TAF2: variants seen among roughly 807,000 people sequenced by gnomAD.
TAF2 encodes the protein TATA-box binding protein associated factor 2.
In TAF2, 61 loss-of-function variants were observed where a neutral mutation model predicts 138.5. The ratio of observed to expected loss-of-function variants is 0.44; its 90% confidence interval spans 0.36 to 0.54. The LOEUF is 0.54. Among genes scored for constraint, TAF2 ranks in the 20% least tolerant of loss-of-function variants. TAF2 has a pLI of 0.00. For missense variants in TAF2, 1,090 were observed against 1,427.9 expected, an observed-to-expected ratio of 0.76 and a Z score of 3.81; for synonymous variants, 475 against 469.9, an observed-to-expected ratio of 1.01 and a Z score of -0.14.
chr8:119,817,318 C>T (rs1398916573), intron 3 of TAF2, among the ~76,000 whole-genome samples: 1 of 152,148 alleles, frequency 6.6e-6, no homozygotes, highest in African/African-American at 2.4e-5. Flanking sequence ...TGAGCTTTGC[C>T]TCCTGTCAGA....
In TAF2 at chr8:119,758,029, A is replaced by G. The variant is rs1174866654; in HGVS notation, c.2768+44T>C. The G allele has an allele frequency of 2.7e-6, 4 of 1,505,778 alleles. No individual in the cohort carries two copies. In the East Asian group the frequency reaches 6.8e-5, roughly 26 times the overall value. The allele number at this position is 1,505,778 out of a possible 1,614,324, so 93.3% of individuals were successfully genotyped here. ...GTAATCTGAAATTACTCAGTTCACTATAGGACTTACAAAATATCATAGCAT... is the reference window on the plus strand; with the variant it reads ...GTAATCTGAAATTACTCAGTTCACTGTAGGACTTACAAAATATCATAGCAT... On this transcript the variant is annotated intron_variant, in intron 21 of 25. Coordinates refer to ENST00000378164, the MANE Select transcript of TAF2 (RefSeq NM_003184.4).
chr8:119,809,438 A>G (rs1185514022), intron 3 of TAF2, among the ~76,000 whole-genome samples: 1 of 152,014 alleles, frequency 6.6e-6, no homozygotes, highest in African/African-American at 2.4e-5. Flanking sequence ...AGACTGTTTC[A>G]TTTTCTTATC....
rs183955988 is a variant in TAF2, at chr8:119,760,472, C to G, written c.2698+127G>C. ...CATTTATCAAAGATGATTTCTAAAT[C>G]ACTAAGTCAAGAATTTAAAATTAAA... On this transcript the variant is annotated intron_variant, in intron 20 of 25. Coordinates refer to ENST00000378164, the MANE Select transcript of TAF2 (RefSeq NM_003184.4). The G allele has an allele frequency of 1.2e-3, 1,283 of 1,036,632 alleles. 6 individuals are homozygous for G. The highest frequency in any genetic ancestry group is 8.8e-4 in the Non-Finnish European group (641 of 728,930). The allele number at this position is 1,036,632 out of a possible 1,614,324, so 64.2% of individuals were successfully genotyped here.
In TAF2 at chr8:119,740,268, T is replaced by C. The variant is rs1450842547; in HGVS notation, c.3337+2266A>G. 2.0e-5 allele frequency among the ~76,000 whole-genome samples: 3 copies of C among 152,136 alleles called. No individual in the cohort carries two copies. The East Asian group carries it at 5.8e-4, about 29-fold the overall frequency. On this transcript the variant is annotated intron_variant, in intron 25 of 25. Transcript: ENST00000378164. ...GTGAATCTTCTCACAGAAACGTTGA[T>C]ACACACAAGGGCTAGGTTTGATATT...
intron 18 of TAF2, among the ~76,000 whole-genome samples, chr8:119,776,697 G>T (rs935106923): frequency 1.3e-5 from 2 of 151,928 alleles, no homozygotes; most frequent in African/African-American, 4.8e-5. Flanking sequence ...TCAAAAAAAA[G>T]TTTCATCAAT....
In TAF2 at chr8:119,752,273, C is replaced by T. The variant is rs1412753230; in HGVS notation, c.2878+3733G>A. Among the ~76,000 whole-genome samples the T allele has an allele frequency of 5.3e-5, 8 of 152,074 alleles. No homozygotes were observed. The South Asian group carries it at 8.3e-4, about 16-fold the overall frequency. On this transcript the variant is annotated intron_variant, in intron 22 of 25. Coordinates refer to ENST00000378164, the MANE Select transcript of TAF2 (RefSeq NM_003184.4). ...ATAGAATGGGTTAAGATATCTGATA[C>T]GTGTATGAGTGAATATACACATATA...
chr8:119,800,783 G>A (rs1824201106), intron 6 of TAF2, among the ~76,000 whole-genome samples: 1 of 152,186 alleles, frequency 6.6e-6, no homozygotes, highest in African/African-American at 2.4e-5. Flanking sequence ...CCGAAAGCCT[G>A]CTGCCCTCAA....
chr8:119,758,049 T>G, intron 21 of TAF2, 24 bp downstream of exon 21: 4 of 1,595,450 alleles, frequency 2.5e-6, no homozygotes, highest in Non-Finnish European at 3.4e-6. Context: ...CAAAATATCA[T>G]AGCATCATAG....
chr8:119,775,311 TC>T (rs1411725260), intron 18 of TAF2, among the ~76,000 whole-genome samples: 10 of 144,894 alleles, frequency 6.9e-5, no homozygotes, highest in African/African-American at 2.5e-4. Flanking sequence ...GAAAATCAAA[TC>T]CCCAAATCAA....
intron 3 of TAF2, among the ~76,000 whole-genome samples, chr8:119,808,615 G>A (rs1213224459): frequency 5.9e-5 from 9 of 152,098 alleles, no homozygotes; most frequent in South Asian, 2.1e-4. Flanking sequence ...GGCAACTATC[G>A]CCTTATGAAA....
In TAF2 at chr8:119,832,833, G is replaced by GTAACCTCTGA. The variant is rs1476088978; in HGVS notation, c.-270_-269insTCAGAGGTTA. On this transcript the variant is annotated 5_prime_UTR_variant, in exon 1 of 26. Coordinates refer to ENST00000378164, the MANE Select transcript of TAF2 (RefSeq NM_003184.4). ...GCTACCATCCGCCGACATCTTGTCTGTAACCTCTGACCTCCGACGTCAGCG... is the reference window on the plus strand; with the variant it reads ...GCTACCATCCGCCGACATCTTGTCTGTAACCTCTGATAACCTCTGACCTCCGACGTCAGCG... 3 of 438,022 alleles carry GTAACCTCTGA rather than the reference G, an allele frequency of 6.8e-6. No individual in the cohort carries two copies. The highest frequency in any genetic ancestry group is 1.2e-5 in the Non-Finnish European group (3 of 245,660). The allele number at this position is 438,022 out of a possible 1,614,324, so 27.1% of individuals were successfully genotyped here. A position where few individuals can be genotyped will look rare whatever the true frequency, so the allele number is the denominator to read the frequency against.
At chr8:119,787,664 T>C (rs1184777553) in intron 14 of TAF2, among the ~76,000 whole-genome samples, 1 of 152,220 alleles carries the variant, frequency 6.6e-6, no homozygotes, top group East Asian at 1.9e-4. Context: ...GTTCAACCAT[T>C]GTGGAAGACA....
chr8:119,762,384 T>C, intron 19 of TAF2, 31 bp downstream of exon 19: 1 of 1,600,706 alleles, frequency 6.2e-7, no homozygotes, highest in Non-Finnish European at 8.6e-7. Flanking sequence ...TATAAGAACA[T>C]ATAACTTTAA....
intron 18 of TAF2, among the ~76,000 whole-genome samples, chr8:119,774,356 T>A (rs894490676): frequency 1.5e-4 from 23 of 152,186 alleles, no homozygotes; most frequent in Non-Finnish European, 1.9e-4. Context: ...GTATTTTATA[T>A]ATTTACTATG....
intron 23 of TAF2, chr8:119,744,751 C>T (rs1038392716): frequency 6.4e-4 from 239 of 375,684 alleles, no homozygotes; most frequent in Non-Finnish European, 8.9e-4. Flanking sequence ...CTCAGAAGGA[C>T]CTTTGAGTTT....
At position 119,733,789 on chromosome 8, in the gene TAF2, C is replaced by T. The variant is rs574101463; in HGVS notation, c.3338-1603G>A. The stretch of plus-strand genomic sequence containing the variant: ...AATATCTCTTAAATCCGCCCCCCCC[C>T]ATCCTAATCCTGTCTGCAACTGTAT... On this transcript the variant is annotated intron_variant, in intron 25 of 25. Transcript: ENST00000378164. Among the ~76,000 whole-genome samples, 26 of 151,982 alleles carry T rather than the reference C, an allele frequency of 1.7e-4. 1 individual carries two copies. The highest frequency in any genetic ancestry group is 1.5e-3 in the Admixed American group (23 of 15,246).
intron 24 of TAF2, among the ~76,000 whole-genome samples, chr8:119,743,526 T>C (rs1161637226): frequency 6.6e-6 from 1 of 152,170 alleles, no homozygotes; most frequent in East Asian, 1.9e-4. Context: ...TATTACTATA[T>C]GTCACAACTT....
At chr8:119,805,764 C>CT (rs901813587) in intron 4 of TAF2, among the ~76,000 whole-genome samples, 1 of 151,800 alleles carries the variant, frequency 6.6e-6, no homozygotes, top group African/African-American at 2.4e-5. Context: ...AAATAAATTG[C>CT]TTTTTTCACA....
At chr8:119,758,186 T>TA (rs1820830740) in intron 20 of TAF2, 44 bp from the exon 21 acceptor site, 1 of 1,464,956 alleles carries the variant, frequency 6.8e-7, no homozygotes, top group East Asian at 2.3e-5. Flanking sequence ...TATAACAAAT[T>TA]AAATAATGAA....
Sources: gnomAD v4.1 joint callset for allele counts (sites outside exome capture counted in the v4.1 genomes callset) on GRCh38, gnomAD v4.1.1 for gene constraint, MANE v1.5 for transcripts, NCBI Gene and HGNC (gene_info 2026-07-23, HGNC 2026-07-21) for gene names.